Variants in LAS1L observed in about 807,000 individuals in gnomAD.
LAS1L encodes LAS1 like ribosome biogenesis factor.
Under a neutral mutation model 57.3 loss-of-function variants are expected in LAS1L, and 5 were observed. The ratio of observed to expected loss-of-function variants is 0.09; its 90% CI spans 0.05 to 0.18. LAS1L has a LOEUF of 0.18. LAS1L is among the 10% of genes least tolerant of loss of function. The pLI is 1.00. For synonymous variants in LAS1L, 245 were observed against 231.7 expected, an observed-to-expected ratio of 1.06 and a Z score of -0.52; for missense variants, 360 against 568.3, an observed-to-expected ratio of 0.63 and a Z score of 3.73.
At chrX:65,526,856 C>T (rs918919396) in intron 7 of LAS1L, among the ~76,000 whole-genome samples, 4 of 111,077 alleles carry the variant, frequency 3.6e-5, no homozygotes, top group Non-Finnish European at 3.8e-5. Flanking sequence ...GAGAAGGTCC[C>T]GCCTCTATTC....
intron 10 of LAS1L, 70 bp from the exon 11 acceptor site, chrX:65,523,777 G>A: frequency 2.2e-5 from 23 of 1,069,392 alleles, no homozygotes; most frequent in Non-Finnish European, 2.7e-5. Flanking sequence ...ACCTCAGAAA[G>A]TTTGGCTCTG....
At chrX:65,522,563 A>C (rs2148282784) in intron 11 of LAS1L, 1 of 111,121 alleles carries the variant, frequency 9.0e-6, no homozygotes, top group East Asian at 2.9e-4. Flanking sequence ...AGATATGGCC[A>C]AAGGATGGGC....
Position 65,531,454 on chromosome X carries a change from G to T in LAS1L, c.433-16C>A. On this transcript the variant is annotated splice_polypyrimidine_tract_variant and intron_variant, in intron 3 of 13. Transcript: ENST00000374811. ...GAATATTTACCTGATTACAGGGGAGGGTGTGAGTACAGAAATTGGAAAATA... is the reference window on the plus strand; with the variant it reads ...GAATATTTACCTGATTACAGGGGAGTGTGTGAGTACAGAAATTGGAAAATA... The T allele has an allele frequency of 8.8e-7, 1 of 1,134,246 alleles. No homozygotes were observed. 93.5% of individuals were successfully genotyped at this position (1,134,246 alleles called of 1,213,427 possible).
At chrX:65,516,561 T>G (rs1374432484) in intron 12 of LAS1L, among the ~76,000 whole-genome samples, 1 of 109,233 alleles carries the variant, frequency 9.2e-6, no homozygotes, top group African/African-American at 3.3e-5. Flanking sequence ...TCAGCAACCC[T>G]GCCTCCTCTT....
At chrX:65,532,673 T>C (rs775607308) in intron 2 of LAS1L, 43 bp from the exon 3 acceptor site, 5 of 954,157 alleles carry the variant, frequency 5.2e-6, no homozygotes, top group African/African-American at 1.9e-5. Context: ...CAAGGAACCA[T>C]TTTATTCCAA....
chrX:65,524,352 GGAAGT>G, intron 9 of LAS1L, 90 bp from the exon 10 acceptor site: 1 of 745,337 alleles, frequency 1.3e-6, no homozygotes. Context: ...GCAAGAGAAA[GGAAGT>G]GAGAGTGAGA....
intron 10 of LAS1L, 76 bp downstream of exon 10, chrX:65,523,977 TAGC>T: frequency 1.0e-6 from 1 of 995,660 alleles, no homozygotes; most frequent in Non-Finnish European, 1.4e-6. Context: ...TGGTGCTTCT[TAGC>T]AGAGAGCTGA....
chrX:65,523,479 T>C, intron 11 of LAS1L, 81 bp downstream of exon 11: 1 of 1,005,397 alleles, frequency 9.9e-7, no homozygotes, highest in Non-Finnish European at 1.3e-6. Flanking sequence ...AGGGCCCTTC[T>C]AACTCAGTCA....
intron 11 of LAS1L, chrX:65,521,389 A>G (rs1391888069): frequency 2.2e-6 from 1 of 456,984 alleles, no homozygotes; most frequent in Non-Finnish European, 2.7e-6. Context: ...CGGACAGCTG[A>G]TGTAGAGTCC....
At chrX:65,528,681 A>T (rs2069307043) in intron 6 of LAS1L, among the ~76,000 whole-genome samples, 1 of 113,010 alleles carries the variant, frequency 8.8e-6, no homozygotes, top group African/African-American at 3.2e-5. Context: ...AGAGATGAGG[A>T]GAGGCAATGA....
chrX:65,534,717 C>T lies in LAS1L; in HGVS notation c.-2G>A. The T allele has an allele frequency of 8.6e-7, 1 of 1,157,441 alleles. No homozygotes were observed. The highest frequency in any genetic ancestry group is 1.2e-6 in the Non-Finnish European group (1 of 863,546). ...CCCGGCCCCGGATTCCCACGACATA[C>T]TGAGCTCAACAACAGGCTCTGTGCC... On this transcript the variant is annotated 5_prime_UTR_variant, in exon 1 of 14. Transcript: ENST00000374811.
rs774287263 is a variant in LAS1L at position 65,532,099 on chromosome X, C to T, written c.432+462G>A. On this transcript the variant is annotated intron_variant, in intron 3 of 13. Coordinates refer to ENST00000374811, the MANE Select transcript of LAS1L (RefSeq NM_031206.7). ...CCCTGCTTCCCTCCTACACCTCCTC[C>T]GGGAAGCGCTAATGACTGAGAGCAT... Among the ~76,000 whole-genome samples the T allele has an allele frequency of 2.8e-4, 31 of 111,931 alleles. 1 individual carries two copies. In the South Asian group the frequency reaches 0.01, roughly 36 times the overall value.
rs774066035 is a variant in LAS1L, at chrX:65,529,883, AG to A, written c.515-6del. On this transcript the variant is annotated splice_polypyrimidine_tract_variant and splice_region_variant and intron_variant, in intron 4 of 13. Transcript: ENST00000374811. The stretch of plus-strand genomic sequence containing the variant: ...AATCCAGGACAAAGTAGCAGCCTAG[AG>A]GGGGGAAGGCAGGCAGTGCCACAGG... 5.5e-5 allele frequency: 67 copies of A among 1,208,479 alleles called. No individual in the cohort carries two copies. The Middle Eastern group carries it at 6.9e-4, about 13-fold the overall frequency.
At chrX:65,516,304 C>A (rs1053253941) in intron 12 of LAS1L, among the ~76,000 whole-genome samples, 3 of 111,455 alleles carry the variant, frequency 2.7e-5, no homozygotes, top group Non-Finnish European at 5.7e-5. Flanking sequence ...GGGGCCACTA[C>A]CTACATAGGC....
Position 65,529,114 on chromosome X carries a change from T to C in LAS1L, c.846+98A>G, listed in dbSNP as rs2069332485. 6.8e-6 allele frequency: 5 copies of C among 738,276 alleles called. No homozygotes were observed. In the South Asian group the frequency reaches 1.1e-4, roughly 16 times the overall value. The allele number at this position is 738,276 out of a possible 1,213,427, so 60.8% of individuals were successfully genotyped here. ...GTTCCCTCACGCTTTGTCACTTTTC[T>C]TTCAAATTCCTTCTCAAGACTTCTC... On this transcript the variant is annotated intron_variant, in intron 6 of 13. Transcript: ENST00000374811.
At chrX:65,522,106 C>T (rs2068875100) in intron 11 of LAS1L, 1 of 111,227 alleles carries the variant, frequency 9.0e-6, no homozygotes, top group Admixed American at 9.5e-5. Context: ...TGGGGTGAGG[C>T]CCCAGCGATG....
intron 2 of LAS1L, 43 bp downstream of exon 2, chrX:65,533,567 G>C: frequency 8.4e-7 from 1 of 1,194,082 alleles, no homozygotes; most frequent in Non-Finnish European, 1.1e-6. Context: ...CCTGCCTCCA[G>C]TCCCCAAAGC....
At chrX:65,522,696 T>C (rs906528625) in intron 11 of LAS1L, 1 of 111,688 alleles carries the variant, frequency 9.0e-6, no homozygotes, top group Non-Finnish European at 1.9e-5. Flanking sequence ...AAAGAGCAGA[T>C]GTCATGGGAT....
intron 9 of LAS1L, 48 bp from the exon 10 acceptor site, chrX:65,524,310 G>T: frequency 1.0e-6 from 1 of 990,181 alleles, no homozygotes. Flanking sequence ...GAGAGAGAGA[G>T]CAGGAGAGCA....
Sources: allele counts gnomAD v4.1 joint callset (sites outside exome capture counted in the v4.1 genomes callset), GRCh38; gene constraint gnomAD v4.1.1; transcripts MANE v1.5; gene names NCBI Gene and HGNC (gene_info 2026-07-23, HGNC 2026-07-21).